Variants in TSC22D1 observed in about 807,000 individuals in gnomAD.
TSC22D1 encodes TSC22 domain family member 1.
TSC22D1 carries 9 observed loss-of-function variants against 74.2 expected under a neutral mutation model. The ratio of observed to expected loss-of-function variants is 0.12; its 90% CI spans 0.07 to 0.21. TSC22D1 has a LOEUF of 0.21. Ranked by LOEUF, TSC22D1 falls within the 10% of genes least tolerant of loss-of-function variation. TSC22D1 has a pLI of 1.00. For synonymous variants in TSC22D1, 586 were observed against 492.5 expected (o/e 1.19, Z -2.51); for missense variants, 1,427 against 1,304.7 (o/e 1.09, Z -1.44).
chr13:44,526,285 T>C lies in TSC22D1; in HGVS notation c.2912+46878A>G, dbSNP rs112209007. Reference sequence around the variant, plus strand: ...ATGCTAAGGGCTCTAGTGGAAAAAGTAGAGAACATGTTAAGAATTGATGGG... The same window carrying C: ...ATGCTAAGGGCTCTAGTGGAAAAAGCAGAGAACATGTTAAGAATTGATGGG... On this transcript the variant is annotated intron_variant, in intron 1 of 2. Coordinates refer to ENST00000458659, the MANE Select transcript of TSC22D1 (RefSeq NM_183422.4). Among the ~76,000 whole-genome samples, 262 of 151,868 alleles carry C rather than the reference T, an allele frequency of 1.7e-3. 2 individuals carry two copies. The highest frequency in any genetic ancestry group is 5.9e-3 in the African/African-American group (246 of 41,384).
chr13:44,474,663 A>C (rs903587683), intron 1 of TSC22D1, among the ~76,000 whole-genome samples: 23 of 152,026 alleles, frequency 1.5e-4, no homozygotes, highest in African/African-American at 5.6e-4. Flanking sequence ...AGGAAGGAGA[A>C]GAGGAAGAGA....
At chr13:44,546,448 C>T (rs1451160017) in intron 1 of TSC22D1, among the ~76,000 whole-genome samples, 4 of 151,982 alleles carry the variant, frequency 2.6e-5, no homozygotes, top group African/African-American at 9.7e-5. Context: ...GCCAAAAACG[C>T]ACAGATTAAG....
Position 44,480,923 on chromosome 13 carries a change from ATGAG to A in TSC22D1, c.2913-44832_2913-44829del, listed in dbSNP as rs201102181. 1.8e-4 allele frequency among the ~76,000 whole-genome samples: 28 copies of A among 152,332 alleles called. 1 individual carries two copies. The East Asian group carries it at 5.4e-3, about 29-fold the overall frequency. On this transcript the variant is annotated intron_variant, in intron 1 of 2. Coordinates refer to ENST00000458659, the MANE Select transcript of TSC22D1 (RefSeq NM_183422.4). ...GCCTACACCCTCTTCCCCTTGTGTT[ATGAG>A]CGGCTGAATTGGGTTCCACAGATAA...
At chr13:44,524,142 C>T (rs932817258) in intron 1 of TSC22D1, among the ~76,000 whole-genome samples, 3 of 152,038 alleles carry the variant, frequency 2.0e-5, no homozygotes, top group Non-Finnish European at 2.9e-5. Flanking sequence ...GTTTAAAAAG[C>T]TCCTAGTAGA....
At position 44,433,412 on chromosome 13, in the gene TSC22D1, A is replaced by C. The variant is rs1874221684; in HGVS notation, c.*1214T>G. On this transcript the variant is annotated 3_prime_UTR_variant, in exon 3 of 3. Transcript: ENST00000458659. ...AGTCAAATCACGCCCCTACTTTTCC[A>C]ATCATTCCACTGCCCTTCAGGATTT... The C allele has an allele frequency of 6.6e-6, 1 of 152,398 alleles. No individual in the cohort carries two copies. Among genetic ancestry groups the C allele is most frequent in the Non-Finnish European group, 1.5e-5 (1 of 68,190 alleles). 9.4% of individuals were successfully genotyped at this position (152,398 alleles called of 1,614,324 possible).
At chr13:44,472,504 G>T (rs1877664490) in intron 1 of TSC22D1, among the ~76,000 whole-genome samples, 1 of 152,128 alleles carries the variant, frequency 6.6e-6, no homozygotes, top group African/African-American at 2.4e-5. Flanking sequence ...ATGAGGACCT[G>T]CTATGTGTAC....
chr13:44,440,089 G>C (rs1047576337), intron 1 of TSC22D1, among the ~76,000 whole-genome samples: 1 of 152,134 alleles, frequency 6.6e-6, no homozygotes, highest in Non-Finnish European at 1.5e-5. Flanking sequence ...ATACTTACCA[G>C]GTTTAACAAA....
intron 1 of TSC22D1, chr13:44,452,646 C>T (rs1566119216): frequency 6.5e-6 from 1 of 154,698 alleles, no homozygotes; most frequent in African/African-American, 2.4e-5. Context: ...CCTGGTGATG[C>T]CCCCCCAGTA....
intron 1 of TSC22D1, among the ~76,000 whole-genome samples, chr13:44,531,343 C>G (rs1880826609): frequency 6.6e-6 from 1 of 152,118 alleles, no homozygotes; most frequent in South Asian, 2.1e-4. Context: ...ATATGAAATT[C>G]TGAGAATATG....
chr13:44,570,635 TAA>T (rs989613825), intron 1 of TSC22D1, among the ~76,000 whole-genome samples: 6 of 152,312 alleles, frequency 3.9e-5, no homozygotes, highest in East Asian at 3.9e-4. Context: ...TCTAAAGTGT[TAA>T]GAGTATTATT....
chr13:44,539,350 G>A, intron 1 of TSC22D1: 1 of 985,370 alleles, frequency 1.0e-6, no homozygotes, highest in Non-Finnish European at 1.2e-6. Flanking sequence ...CACTAACAGT[G>A]TAGGATAACA....
Position 44,473,375 on chromosome 13 carries a change from G to A in TSC22D1, c.2913-37280C>T, listed in dbSNP as rs1877715338. The stretch of plus-strand genomic sequence containing the variant: ...CTGGGCATGGTGGCACACACCTGTA[G>A]TCCCAGCTACTTGGAAGGCTGAGGC... On this transcript the variant is annotated intron_variant, in intron 1 of 2. Transcript: ENST00000458659. Among the ~76,000 whole-genome samples, 3 of 152,004 alleles carry A rather than the reference G, an allele frequency of 2.0e-5. No individual in the cohort carries two copies. The South Asian group carries it at 6.2e-4, about 32-fold the overall frequency.
chr13:44,573,694 C>G lies in TSC22D1; in HGVS notation c.2381G>C (p.Ser794Thr). Residue 794 changes from serine to threonine, a missense_variant, in exon 1 of 3, where the codon AGT becomes ACT. Ser to Thr is a moderately conservative substitution (Grantham distance 58, BLOSUM62 1). This residue lies in a region of TSC22D1 where 1,343 missense variants were observed against 1,191.5 expected (regional missense o/e 1.13). Transcript: ENST00000458659. ...LPQQLVIASQ[S>T]SLLTVPPQPQ... ...CTGGGGAGGCACAGTTAACAAGGAA[C>G]TTTGGGATGCAATAACCAATTGTTG... The G allele has an allele frequency of 6.2e-7, 1 of 1,614,204 alleles. No individual in the cohort carries two copies. Among genetic ancestry groups the G allele is most frequent in the Non-Finnish European group, 8.5e-7 (1 of 1,180,044 alleles).
chr13:44,515,443 ATCT>A (rs1442003235), intron 1 of TSC22D1, among the ~76,000 whole-genome samples: 1 of 151,694 alleles, frequency 6.6e-6, no homozygotes, highest in Non-Finnish European at 1.5e-5. Context: ...AGTGAAAAAA[ATCT>A]TTTTTTTTTT....
At chr13:44,441,680 C>T (rs1306467350) in intron 1 of TSC22D1, among the ~76,000 whole-genome samples, 3 of 151,796 alleles carry the variant, frequency 2.0e-5, no homozygotes, top group East Asian at 1.9e-4. Context: ...TCTAAGGCAC[C>T]GAGTGGATAA....
Position 44,575,176 on chromosome 13 carries a change from C to T in TSC22D1, c.899G>A (p.Gly300Asp). 3 of 1,614,086 alleles carry T rather than the reference C, an allele frequency of 1.9e-6. No homozygotes were observed. The highest frequency in any genetic ancestry group is 2.5e-6 in the Non-Finnish European group (3 of 1,180,032). The change falls in exon 1 of 3, where the codon GGT becomes GAT. Residue 300 changes from glycine to aspartate, a missense_variant. This residue lies in a region of TSC22D1 where 1,343 missense variants were observed against 1,191.5 expected (regional missense o/e 1.13). Transcript: ENST00000458659. ...MTNMRAPSTT[G>D]GIGINSVTGT... ...AGTAACAGAATTTATACCTATTCCA[C>T]CTGTAGTACTTGGAGCACGCATATT...
chr13:44,522,832 TA>T (rs1226073342), intron 1 of TSC22D1, among the ~76,000 whole-genome samples: 1 of 152,090 alleles, frequency 6.6e-6, no homozygotes, highest in Non-Finnish European at 1.5e-5. Flanking sequence ...TAGACTTCAT[TA>T]AAATTGAAAA....
intron 1 of TSC22D1, among the ~76,000 whole-genome samples, chr13:44,565,070 G>A (rs1258383190): frequency 2.6e-5 from 4 of 152,132 alleles, no homozygotes; most frequent in African/African-American, 9.7e-5. Flanking sequence ...AAGCCTATGA[G>A]AATGCAAGCG....
At chr13:44,543,809 C>T (rs1595151036) in intron 1 of TSC22D1, among the ~76,000 whole-genome samples, 1 of 152,308 alleles carries the variant, frequency 6.6e-6, no homozygotes, top group African/African-American at 2.4e-5. Flanking sequence ...GTATAACTTT[C>T]GGCCAGGCAC....
Sources: allele counts gnomAD v4.1 joint callset (sites outside exome capture counted in the v4.1 genomes callset), GRCh38; gene constraint gnomAD v4.1.1; regional missense constraint gnomAD v4.1.1; transcripts MANE v1.5; gene names NCBI Gene and HGNC (gene_info 2026-07-23, HGNC 2026-07-21).